ANKRD44: variants seen among roughly 807,000 people sequenced by gnomAD.
ANKRD44 encodes serine/threonine-protein phosphatase 6 regulatory ankyrin repeat subunit B.
In ANKRD44, 35 loss-of-function variants were observed where a neutral mutation model predicts 116.0. That is an observed-to-expected ratio of 0.30 (90% confidence interval 0.23 to 0.40). ANKRD44 has a LOEUF of 0.40. Ranked by LOEUF, ANKRD44 falls within the 10% of genes least tolerant of loss-of-function variation. ANKRD44 has a pLI of 1.00. For missense variants in ANKRD44, 1,014 were observed against 1,242.6 expected, an observed-to-expected ratio of 0.82 and a Z score of 2.77; for synonymous variants, 435 against 461.8, an observed-to-expected ratio of 0.94 and a Z score of 0.74.
chr2:197,003,612 C>T lies in ANKRD44; in HGVS notation c.2348-1772G>A, dbSNP rs187945417. ...ACAAAGGCTGCACTGAAAGGGTGAA[C>T]GGCTTAGGAGGAGACTGCTCCTCCT... On this transcript the variant is annotated intron_variant, in intron 21 of 27. Coordinates refer to ENST00000282272, the MANE Select transcript of ANKRD44 (RefSeq NM_001195144.2). Among the ~76,000 whole-genome samples, 207 of 152,204 alleles carry T rather than the reference C, an allele frequency of 1.4e-3. 1 individual carries two copies. The highest frequency in any genetic ancestry group is 3.4e-3 in the Middle Eastern group (1 of 294).
At chr2:197,231,524 T>A (rs776706578) in intron 1 of ANKRD44, among the ~76,000 whole-genome samples, 1 of 152,194 alleles carries the variant, frequency 6.6e-6, no homozygotes, top group South Asian at 2.1e-4. Flanking sequence ...CATGATATGA[T>A]GGTCCTATGT....
intron 21 of ANKRD44, among the ~76,000 whole-genome samples, chr2:196,971,684 A>G (rs190211975): frequency 2.6e-5 from 4 of 152,314 alleles, no homozygotes; most frequent in African/African-American, 9.6e-5. Flanking sequence ...ACATACCAGA[A>G]GAGGATACTG....
intron 2 of ANKRD44, among the ~76,000 whole-genome samples, chr2:197,155,423 C>G (rs566428720): frequency 6.6e-6 from 1 of 151,932 alleles, no homozygotes; most frequent in Non-Finnish European, 1.5e-5. Flanking sequence ...GCATGCTTGC[C>G]CTAAATACTC....
At chr2:197,064,016 G>GT (rs1180219107) in intron 16 of ANKRD44, among the ~76,000 whole-genome samples, 8 of 152,254 alleles carry the variant, frequency 5.3e-5, no homozygotes, top group Middle Eastern at 3.4e-3. Context: ...CACCAAAGAT[G>GT]AAATGAAGGA....
chr2:197,110,914 C>A, intron 8 of ANKRD44, 70 bp from the exon 9 acceptor site: 6 of 1,003,478 alleles, frequency 6.0e-6, no homozygotes, highest in Non-Finnish European at 9.6e-6. Context: ...CTGAAATACC[C>A]CTATGGACAC....
chr2:197,013,647 C>T lies in ANKRD44; in HGVS notation c.1788G>A (p.Arg596=). ...CCAGAGCAGTGCGGCCTTTCTCATCCCTGATGTCCAGGTCCACCAACGACT... is the reference window on the plus strand; with the variant it reads ...CCAGAGCAGTGCGGCCTTTCTCATCTCTGATGTCCAGGTCCACCAACGACT... ...LLQSLVDLDI[R]DEKGRTALDL... is the part of the protein sequence containing the mutation. The change falls in exon 18 of 28, where the codon AGG becomes AGA. Residue 596 remains arginine, a synonymous_variant. Coordinates refer to ENST00000282272, the MANE Select transcript of ANKRD44 (RefSeq NM_001195144.2). The T allele has an allele frequency of 6.2e-7, 1 of 1,614,084 alleles. No homozygotes were observed. The highest frequency in any genetic ancestry group is 8.5e-7 in the Non-Finnish European group (1 of 1,180,032).
At chr2:197,175,482 G>C (rs903777638) in intron 2 of ANKRD44, among the ~76,000 whole-genome samples, 1 of 152,146 alleles carries the variant, frequency 6.6e-6, no homozygotes, top group Admixed American at 6.5e-5. Flanking sequence ...GATGACAAAA[G>C]ACAGATGCTG....
At chr2:197,310,405 G>T (rs1466087152) in intron 1 of ANKRD44, among the ~76,000 whole-genome samples, 173 bp downstream of exon 1, 1 of 147,324 alleles carries the variant, frequency 6.8e-6, no homozygotes, top group African/African-American at 2.4e-5. Flanking sequence ...ACGGCGCGGC[G>T]GAGGGGAGCT....
At chr2:197,050,660 T>C (rs1021233722) in intron 16 of ANKRD44, among the ~76,000 whole-genome samples, 13 of 152,044 alleles carry the variant, frequency 8.6e-5, no homozygotes, top group African/African-American at 3.1e-4. Flanking sequence ...TGACCTCAAG[T>C]GATCCACCCA....
intron 16 of ANKRD44, among the ~76,000 whole-genome samples, chr2:197,063,460 T>TTTGACGAGTTGAGAGAAGAAGGCTTCA (rs1355077156): frequency 6.6e-6 from 1 of 152,174 alleles, no homozygotes; most frequent in East Asian, 1.9e-4. Context: ...GGAGAACGAC[T>TTTGACGAGTTGAGAGAAGAAGGCTTCA]TTGACGAGTT....
At chr2:197,078,641 C>A in intron 16 of ANKRD44, 62 bp downstream of exon 16, 1 of 1,583,696 alleles carries the variant, frequency 6.3e-7, no homozygotes, top group Non-Finnish European at 8.6e-7. Flanking sequence ...ACAGTTAATG[C>A]CTCTGTGATT....
chr2:197,289,811 C>T lies in ANKRD44; in HGVS notation c.27+20767G>A, dbSNP rs72930811. ...GGTAACTTTTGTCAAAACACATCTA[C>T]ATGTCATTAAAGTGGATGCATGCCA... On this transcript the variant is annotated intron_variant, in intron 1 of 27. Coordinates refer to ENST00000282272, the MANE Select transcript of ANKRD44 (RefSeq NM_001195144.2). Among the ~76,000 whole-genome samples, 1,307 of 151,998 alleles carry T rather than the reference C, an allele frequency of 8.6e-3. 7 individuals carry two copies. The highest frequency in any genetic ancestry group is 0.015 in the Non-Finnish European group (1,024 of 67,994).
At chr2:197,129,641 T>A (rs765275158) in intron 4 of ANKRD44, among the ~76,000 whole-genome samples, 1 of 152,202 alleles carries the variant, frequency 6.6e-6, no homozygotes, top group Non-Finnish European at 1.5e-5. Flanking sequence ...GACATGCCAT[T>A]TGCGAGTCAG....
intron 1 of ANKRD44, among the ~76,000 whole-genome samples, chr2:197,191,275 C>T (rs905446781): frequency 2.6e-5 from 4 of 152,176 alleles, no homozygotes; most frequent in African/African-American, 7.2e-5. Flanking sequence ...CCTTCAAAAT[C>T]ACCAACAACT....
intron 1 of ANKRD44, among the ~76,000 whole-genome samples, chr2:197,214,520 G>T (rs1309975438): frequency 6.6e-6 from 1 of 152,066 alleles, no homozygotes; most frequent in Non-Finnish European, 1.5e-5. Flanking sequence ...AAGAGTAAGA[G>T]AAAAAAGACC....
intron 1 of ANKRD44, chr2:197,263,556 A>G (rs16863762): frequency 0.041 from 11,894 of 292,924 alleles, 382 homozygotes; most frequent in Admixed American, 0.12. Context: ...TCCACCTCCC[A>G]TATTTCTTTC....
chr2:197,264,143 C>G lies in ANKRD44; in HGVS notation c.27+46435G>C, dbSNP rs576518996. Among the ~76,000 whole-genome samples the G allele has an allele frequency of 5.9e-5, 9 of 152,286 alleles. No individual in the cohort carries two copies. In the South Asian group the frequency reaches 1.9e-3, roughly 32 times the overall value. ...GGAAAAGAAAGGAGCCTGCCCTCCT[C>G]TTTCCTACTTCCTTTTCCCATAGTG... On this transcript the variant is annotated intron_variant, in intron 1 of 27. Coordinates refer to ENST00000282272, the MANE Select transcript of ANKRD44 (RefSeq NM_001195144.2).
intron 25 of ANKRD44, among the ~76,000 whole-genome samples, chr2:196,997,857 G>A (rs1425632046): frequency 1.3e-5 from 2 of 151,268 alleles, no homozygotes; most frequent in African/African-American, 4.9e-5. Flanking sequence ...AGAAAAAAGG[G>A]GGAAGGGTAG....
At chr2:197,186,540 C>T (rs1402356792) in intron 2 of ANKRD44, among the ~76,000 whole-genome samples, 5 of 149,856 alleles carry the variant, frequency 3.3e-5, no homozygotes, top group Non-Finnish European at 7.4e-5. Flanking sequence ...TCAAAGTTCA[C>T]TGCAGCCTCG....
Sources: allele counts gnomAD v4.1 joint callset (sites outside exome capture counted in the v4.1 genomes callset), GRCh38; gene constraint gnomAD v4.1.1; transcripts MANE v1.5; gene names NCBI Gene and HGNC (gene_info 2026-07-23, HGNC 2026-07-21).